The following ADD3 variants were observed in gnomAD, a reference collection of about 807,000 sequenced individuals.
The protein encoded by ADD3 is gamma-adducin.
Under a neutral mutation model 80.2 loss-of-function variants are expected in ADD3, and 25 were observed. That is an observed-to-expected ratio of 0.31 (90% confidence interval 0.23 to 0.44). ADD3 has a LOEUF of 0.44. ADD3 is among the 20% of genes least tolerant of loss of function. ADD3 has a pLI of 1.00. For synonymous variants in ADD3, 284 were observed against 289.6 expected (o/e 0.98, Z 0.20); for missense variants, 829 against 847.5 (o/e 0.98, Z 0.27).
chr10:110,031,897 A>G (rs918831025), intron 1 of ADD3, among the ~76,000 whole-genome samples: 9 of 148,458 alleles, frequency 6.1e-5, no homozygotes, highest in African/African-American at 2.4e-4. Flanking sequence ...CATATGTATT[A>G]CCTCAATACT....
At chr10:110,069,555 T>C (rs7905797) in intron 1 of ADD3, among the ~76,000 whole-genome samples, 1,607 of 152,218 alleles carry the variant, frequency 0.011, 31 homozygotes, top group African/African-American at 0.037. Context: ...GTTTTTTTTT[T>C]CCCCTTCCCA....
rs150316475 is a variant in ADD3, at chr10:110,120,075, C to CTT, written c.960+520_960+521dup. The stretch of plus-strand genomic sequence containing the variant: ...AGGCCCTAATTTTCTTTTTCTTTTT[C>CTT]TTTTTTTTTTAATTATACTTTAAGT... On this transcript the variant is annotated intron_variant, in intron 8 of 14. Transcript: ENST00000356080. Among the ~76,000 whole-genome samples, 16 of 147,776 alleles carry CTT rather than the reference C, an allele frequency of 1.1e-4. No individual in the cohort carries two copies. The East Asian group carries it at 2.4e-3, about 22-fold the overall frequency.
At chr10:110,110,194 C>T (rs1159208871) in intron 2 of ADD3, among the ~76,000 whole-genome samples, 1 of 152,062 alleles carries the variant, frequency 6.6e-6, no homozygotes, top group African/African-American at 2.4e-5. Flanking sequence ...GAAAGTACAC[C>T]ATCTTTCTCT....
chr10:110,094,377 G>T (rs1445661662), intron 1 of ADD3, among the ~76,000 whole-genome samples: 1 of 152,150 alleles, frequency 6.6e-6, no homozygotes, highest in Non-Finnish European at 1.5e-5. Flanking sequence ...ACTGAGTATA[G>T]TTTCCTCTCA....
chr10:110,050,656 G>A (rs1040641446), intron 1 of ADD3, among the ~76,000 whole-genome samples: 6 of 151,982 alleles, frequency 3.9e-5, no homozygotes, highest in African/African-American at 1.2e-4. Flanking sequence ...GGGATTACAG[G>A]TGTGCACGAC....
At chr10:110,013,908 A>G (rs1373605859) in intron 1 of ADD3, among the ~76,000 whole-genome samples, 1 of 152,252 alleles carries the variant, frequency 6.6e-6, no homozygotes, top group Non-Finnish European at 1.5e-5. Context: ...TTTTAGTGTC[A>G]TGGGAACTCG....
chr10:110,005,821 GATTC>G (rs1851597883), upstream of ADD3: 1 of 153,618 alleles, frequency 6.5e-6, no homozygotes, highest in East Asian at 1.9e-4. Flanking sequence ...AAAACTCCCT[GATTC>G]CATCCTCTCT....
intron 1 of ADD3, among the ~76,000 whole-genome samples, chr10:110,018,526 CA>C (rs59949041): frequency 0.036 from 1,784 of 49,398 alleles, 6 homozygotes; most frequent in African/African-American, 0.057. Context: ...GACTTTGTCT[CA>C]AAAAAAAAAA....
At chr10:110,041,070 GTC>G (rs1310164970) in intron 1 of ADD3, among the ~76,000 whole-genome samples, 3 of 151,946 alleles carry the variant, frequency 2.0e-5, no homozygotes, top group Non-Finnish European at 4.4e-5. Context: ...CTCCCTCGCT[GTC>G]TCTCTGTCTT....
chr10:110,100,137 A>T (rs940964028), intron 1 of ADD3, among the ~76,000 whole-genome samples: 1 of 152,168 alleles, frequency 6.6e-6, no homozygotes, highest in Admixed American at 6.5e-5. Flanking sequence ...CCATGAGATC[A>T]GTAGTTCCAG....
chr10:109,997,620 GCTTTT>G (rs1262341735), intron 1 of ADD3: 1 of 152,180 alleles, frequency 6.6e-6, no homozygotes, highest in African/African-American at 2.4e-5. Context: ...TTCTTTCGCT[GCTTTT>G]CTCTCAAAAG....
At chr10:110,090,216 C>CTTTTT (rs144120692) in intron 1 of ADD3, among the ~76,000 whole-genome samples, 42 of 113,914 alleles carry the variant, frequency 3.7e-4, no homozygotes, top group African/African-American at 1.3e-3. Flanking sequence ...ACCTACTTGA[C>CTTTTT]TTTTTTTTTT....
At chr10:110,096,319 G>A (rs12573187) in intron 1 of ADD3, among the ~76,000 whole-genome samples, 20,304 of 124,042 alleles carry the variant, frequency 0.16, 1,791 homozygotes, top group East Asian at 0.4. Context: ...CCAGTCTCCA[G>A]TAGCAGTCTC....
At chr10:110,003,533 C>T (rs1851530261), upstream of ADD3, among the ~76,000 whole-genome samples, 1 of 152,202 alleles carries the variant, frequency 6.6e-6, no homozygotes, top group East Asian at 1.9e-4. Context: ...AACTTCACTA[C>T]AACCCTATGA....
Position 110,069,419 on chromosome 10 carries a change from G to A in ADD3, c.-29-31206G>A, listed in dbSNP as rs1431001033. On this transcript the variant is annotated intron_variant, in intron 1 of 14. Coordinates refer to ENST00000356080, the MANE Select transcript of ADD3 (RefSeq NM_016824.5). ...CATATCATCCCTTTCAGCTTTAAAT[G>A]TATATTTAATCACCTTAGCCCATTT... Among the ~76,000 whole-genome samples, 4 of 152,170 alleles carry A rather than the reference G, an allele frequency of 2.6e-5. No individual in the cohort carries two copies. In the East Asian group the frequency reaches 7.7e-4, roughly 29 times the overall value.
chr10:110,098,389 T>G (rs1441833313), intron 1 of ADD3, among the ~76,000 whole-genome samples: 1 of 152,214 alleles, frequency 6.6e-6, no homozygotes, highest in Non-Finnish European at 1.5e-5. Flanking sequence ...AAAAATGTGC[T>G]TTCAGATGTA....
chr10:110,114,913 A>G (rs1229935001), intron 3 of ADD3, among the ~76,000 whole-genome samples: 1 of 151,810 alleles, frequency 6.6e-6, no homozygotes, highest in Admixed American at 6.6e-5. Flanking sequence ...CCCCATCTCC[A>G]CTAAACAAAT....
chr10:110,112,969 C>A, intron 3 of ADD3, 54 bp downstream of exon 3: 1 of 1,558,880 alleles, frequency 6.4e-7, no homozygotes, highest in Non-Finnish European at 8.7e-7. Context: ...CACTTTGGAC[C>A]ACTATACATC....
intron 1 of ADD3, among the ~76,000 whole-genome samples, chr10:110,031,133 G>C (rs1420848136): frequency 6.6e-6 from 1 of 152,208 alleles, no homozygotes; most frequent in Non-Finnish European, 1.5e-5. Context: ...AATTAGCTGG[G>C]CGTTGTGGCG....
Sources: allele counts gnomAD v4.1 joint callset (sites outside exome capture counted in the v4.1 genomes callset), GRCh38; gene constraint gnomAD v4.1.1; transcripts MANE v1.5; gene names NCBI Gene and HGNC (gene_info 2026-07-23, HGNC 2026-07-21).